Variants in TMEM117 observed in about 807,000 individuals in gnomAD.
TMEM117 encodes transmembrane protein 117.
A neutral mutation model predicts 52.4 loss-of-function variants in TMEM117; 27 were observed. The ratio of observed to expected loss-of-function variants is 0.51; its 90% CI spans 0.38 to 0.71. The LOEUF (loss-of-function observed/expected upper bound fraction) is 0.71, where lower values mean the gene tolerates loss of function less well. Ranked by LOEUF, TMEM117 falls within the 30% of genes least tolerant of loss-of-function variation. The pLI is 0.00. For missense variants in TMEM117, 556 were observed against 630.5 expected (o/e 0.88, Z 1.26); for synonymous variants, 215 against 206.3 (o/e 1.04, Z -0.36).
chr12:44,120,239 G>A (rs1412755135), intron 3 of TMEM117, among the ~76,000 whole-genome samples: 1 of 152,098 alleles, frequency 6.6e-6, no homozygotes, highest in Non-Finnish European at 1.5e-5. Context: ...TTTCCCGATG[G>A]CTGTCTTCTA....
chr12:44,018,448 G>T (rs184270677), intron 3 of TMEM117, among the ~76,000 whole-genome samples: 1 of 152,108 alleles, frequency 6.6e-6, no homozygotes, highest in East Asian at 1.9e-4. Flanking sequence ...CACTATATTA[G>T]ATGAAACACA....
chr12:43,985,086 G>A (rs1461078290), intron 3 of TMEM117, among the ~76,000 whole-genome samples: 2 of 152,054 alleles, frequency 1.3e-5, no homozygotes, highest in Non-Finnish European at 2.9e-5. Context: ...ACAATGGGAG[G>A]GAAATGTCCA....
Position 44,168,788 on chromosome 12 carries a change from G to A in TMEM117, c.510+25164G>A, listed in dbSNP as rs549707665. On this transcript the variant is annotated intron_variant, in intron 4 of 7. Coordinates refer to ENST00000266534, the MANE Select transcript of TMEM117 (RefSeq NM_032256.3). ...CTGGTCATTCACATTGTGTGGAACC[G>A]GAACCACCATTCATCTCCAGAACTT... Among the ~76,000 whole-genome samples the A allele has an allele frequency of 3.9e-4, 59 of 152,114 alleles. 2 individuals are homozygous for A. In the South Asian group the frequency reaches 6.9e-3, roughly 18 times the overall value.
At chr12:44,201,949 T>C (rs943800583) in intron 4 of TMEM117, among the ~76,000 whole-genome samples, 9 of 152,030 alleles carry the variant, frequency 5.9e-5, no homozygotes, top group Admixed American at 2.6e-4. Context: ...GGAGAAGATA[T>C]CATGTGGTAT....
intron 2 of TMEM117, among the ~76,000 whole-genome samples, chr12:43,901,094 A>G (rs1305534843): frequency 1.3e-5 from 2 of 152,184 alleles, no homozygotes; most frequent in Non-Finnish European, 2.9e-5. Context: ...CTTTGAATAA[A>G]TGTCTAATTT....
chr12:44,090,217 T>C (rs1259235961), intron 3 of TMEM117, among the ~76,000 whole-genome samples: 4 of 152,146 alleles, frequency 2.6e-5, no homozygotes, highest in Non-Finnish European at 5.9e-5. Flanking sequence ...AGGGGGTACA[T>C]GTGCAGGATT....
intron 3 of TMEM117, among the ~76,000 whole-genome samples, chr12:44,050,050 A>G (rs74084625): frequency 1.7e-3 from 253 of 152,364 alleles, no homozygotes; most frequent in African/African-American, 5.3e-3. Flanking sequence ...TCACAATTCT[A>G]TAGCAGAATG....
intron 2 of TMEM117, among the ~76,000 whole-genome samples, chr12:43,856,968 C>CT (rs1943411182): frequency 6.6e-6 from 1 of 152,096 alleles, no homozygotes; most frequent in East Asian, 1.9e-4. Context: ...ACTTTGTAGC[C>CT]CTTTTCAAAA....
At position 44,185,869 on chromosome 12, in the gene TMEM117, TACACACACACACACACAC is replaced by T. The variant is rs3065433; in HGVS notation, c.511-25392_511-25375del. ...TGCTCATTTTCAGACCTAAAAGACA[TACACACACACACACACAC>T]ACACACACACACACACACACACACA... is the stretch of plus-strand genomic sequence containing the variant. On this transcript the variant is annotated intron_variant, in intron 4 of 7. Transcript: ENST00000266534. Among the ~76,000 whole-genome samples the T allele has an allele frequency of 8.9e-5, 12 of 135,112 alleles. No individual in the cohort carries two copies. In the South Asian group the frequency reaches 1.0e-3, roughly 11 times the overall value. The allele number at this position is 135,112 out of a possible 152,430, so 88.6% of individuals were successfully genotyped here.
the TMEM117 span, among the ~76,000 whole-genome samples, chr12:44,397,382 A>G: frequency 5.1e-4 from 77 of 152,280 alleles, no homozygotes; most frequent in African/African-American, 1.7e-3. Context: ...CCCATTCTTT[A>G]TGTTTTTCTA....
intron 6 of TMEM117, among the ~76,000 whole-genome samples, chr12:44,356,067 G>T (rs531961619): frequency 4.7e-4 from 71 of 152,006 alleles, no homozygotes; most frequent in Non-Finnish European, 8.5e-4. Flanking sequence ...AGAGAACTGG[G>T]TTTATGTGCA....
rs766334259 is a variant in TMEM117 at position 44,249,856 on chromosome 12, G to A, written c.608+38469G>A. Among the ~76,000 whole-genome samples the A allele has an allele frequency of 3.3e-5, 5 of 152,308 alleles. No homozygotes were observed. In the East Asian group the frequency reaches 9.6e-4, roughly 29 times the overall value. On this transcript the variant is annotated intron_variant, in intron 5 of 7. Coordinates refer to ENST00000266534, the MANE Select transcript of TMEM117 (RefSeq NM_032256.3). ...AAAAATTAACTCAAGATGGATTAAA[G>A]ACTTAATTGTAGGACTTAAAACCAT... is the stretch of plus-strand genomic sequence containing the variant.
intron 5 of TMEM117, among the ~76,000 whole-genome samples, chr12:44,213,437 T>C (rs1367706374): frequency 1.3e-5 from 2 of 152,220 alleles, no homozygotes; most frequent in Non-Finnish European, 2.9e-5. Context: ...AAGTCAGAAT[T>C]TGAAAGGAGG....
chr12:44,376,234 A>G (rs983616896), intron 6 of TMEM117, among the ~76,000 whole-genome samples: 18 of 152,220 alleles, frequency 1.2e-4, no homozygotes, highest in African/African-American at 4.3e-4. Flanking sequence ...GAAACAAAAT[A>G]TAACAAATTT....
intron 2 of TMEM117, among the ~76,000 whole-genome samples, chr12:43,922,729 A>G (rs1461398805): frequency 6.6e-6 from 1 of 152,156 alleles, no homozygotes; most frequent in African/African-American, 2.4e-5. Flanking sequence ...ACTCATGAAA[A>G]TGCTGGTTAG....
At chr12:44,232,090 A>G (rs529898295) in intron 5 of TMEM117, among the ~76,000 whole-genome samples, 12 of 151,104 alleles carry the variant, frequency 7.9e-5, no homozygotes, top group African/African-American at 2.7e-4. Flanking sequence ...CCTAGGAAGT[A>G]TTATGTAAAT....
chr12:44,069,022 G>C (rs917901323), intron 3 of TMEM117, among the ~76,000 whole-genome samples: 30 of 152,154 alleles, frequency 2.0e-4, no homozygotes, highest in African/African-American at 6.8e-4. Context: ...AAAGAGCTTA[G>C]AGTAAATACA....
At chr12:44,080,489 A>G (rs574239212) in intron 3 of TMEM117, among the ~76,000 whole-genome samples, 41 of 152,228 alleles carry the variant, frequency 2.7e-4, no homozygotes, top group Non-Finnish European at 4.1e-4. Flanking sequence ...TCAAGATGAG[A>G]TTTGGGTGGG....
rs1328540028 is a variant in TMEM117, at chr12:44,385,481, G to A, written c.899-2545G>A. Among the ~76,000 whole-genome samples, 4 of 152,144 alleles carry A rather than the reference G, an allele frequency of 2.6e-5. No individual in the cohort carries two copies. In the South Asian group the frequency reaches 6.2e-4, roughly 24 times the overall value. On this transcript the variant is annotated intron_variant, in intron 7 of 7. Coordinates refer to ENST00000266534, the MANE Select transcript of TMEM117 (RefSeq NM_032256.3). The stretch of plus-strand genomic sequence containing the variant: ...CCAGGTATGGTGACTTGAGCTTGTA[G>A]TTCTAGCTACTTGGGAGGCTGAGGC...
Sources: allele counts gnomAD v4.1 joint callset (sites outside exome capture counted in the v4.1 genomes callset), GRCh38; gene constraint gnomAD v4.1.1; transcripts MANE v1.5; gene names NCBI Gene and HGNC (gene_info 2026-07-23, HGNC 2026-07-21).